The following DHRSX variants were observed in gnomAD, a reference collection of about 807,000 sequenced individuals.
The protein encoded by DHRSX is dehydrogenase/reductase X-linked.
Under a neutral mutation model 34.0 loss-of-function variants are expected in DHRSX, and 31 were observed. The observed-to-expected ratio is 0.91, with a 90% CI of 0.69 to 1.23. The LOEUF is 1.23. Among genes scored for constraint, DHRSX ranks in the 50% most tolerant of loss-of-function variants. The pLI is 0.00. For missense variants in DHRSX, 414 were observed against 428.1 expected (o/e 0.97, Z 0.29); for synonymous variants, 201 against 183.8 (o/e 1.09, Z -0.76).
chrX:2,483,973 C>CATTTTATATTAATTTT, intron 1 of DHRSX, among the ~76,000 whole-genome samples: 1 of 152,154 alleles, frequency 6.6e-6, no homozygotes, highest in South Asian at 2.1e-4. Flanking sequence ...AAATTTAGTG[C>CATTTTATATTAATTTT]CCACGAAGTG....
chrX:2,268,205 C>T (rs2041500866), intron 4 of DHRSX, among the ~76,000 whole-genome samples: 1 of 152,180 alleles, frequency 6.6e-6, no homozygotes, highest in South Asian at 2.1e-4. Flanking sequence ...AGCGCCTGCC[C>T]TGAAGTCCTT....
At chrX:2,495,048 CATTATT>C (rs967530213) in intron 1 of DHRSX, among the ~76,000 whole-genome samples, 1 of 150,400 alleles carries the variant, frequency 6.6e-6, no homozygotes, top group African/African-American at 2.4e-5. Flanking sequence ...ATTCTATTGT[CATTATT>C]ATTATTATTG....
intron 6 of DHRSX, 23 bp downstream of exon 6, chrX:2,243,000 T>A (rs1306412727): frequency 6.2e-7 from 1 of 1,606,902 alleles, no homozygotes; most frequent in Non-Finnish European, 8.5e-7. Context: ...CAGCCGTGAA[T>A]CAGAGAAGCA....
At chrX:2,241,945 A>G (rs143319723) in intron 6 of DHRSX, among the ~76,000 whole-genome samples, 3,331 of 152,076 alleles carry the variant, frequency 0.022, 65 homozygotes, top group African/African-American at 0.047. Context: ...ATAACAAAAA[A>G]CATTATCTGT....
At chrX:2,366,405 A>G (rs1201726362) in intron 3 of DHRSX, among the ~76,000 whole-genome samples, 1 of 151,830 alleles carries the variant, frequency 6.6e-6, no homozygotes, top group Non-Finnish European at 1.5e-5. Flanking sequence ...ACGCCACTGC[A>G]CTCCAGCCTG....
intron 3 of DHRSX, among the ~76,000 whole-genome samples, chrX:2,337,557 CTGAT>C (rs200866934): frequency 0.011 from 1,705 of 152,060 alleles, 32 homozygotes; most frequent in African/African-American, 0.04. Flanking sequence ...GGGAGAAACA[CTGAT>C]TGGAGAAAAT....
chrX:2,285,044 A>C (rs1011219020), intron 4 of DHRSX, among the ~76,000 whole-genome samples: 1 of 152,006 alleles, frequency 6.6e-6, no homozygotes, highest in African/African-American at 2.4e-5. Context: ...GGTTCTGGGG[A>C]AATAGTTTAG....
rs757531269 is a variant in DHRSX, at chrX:2,356,343, C to G, written c.286+52402G>C. Among the ~76,000 whole-genome samples the G allele has an allele frequency of 5.3e-5, 8 of 152,158 alleles. No individual in the cohort carries two copies. The South Asian group carries it at 1.2e-3, about 24-fold the overall frequency. On this transcript the variant is annotated intron_variant, in intron 3 of 6. Transcript: ENST00000334651. Reference sequence around the variant, plus strand: ...TGAGCCGTGATCGTGCCACTGCACTCCAGCCTGGGTGACAAAGCAAGACTC... The same window carrying G: ...TGAGCCGTGATCGTGCCACTGCACTGCAGCCTGGGTGACAAAGCAAGACTC...
intron 5 of DHRSX, among the ~76,000 whole-genome samples, chrX:2,262,891 G>A (rs1300579479): frequency 1.3e-5 from 2 of 152,120 alleles, no homozygotes; most frequent in East Asian, 3.9e-4. Context: ...GATGGGCCAA[G>A]GTATCCTAGG....
intron 3 of DHRSX, among the ~76,000 whole-genome samples, chrX:2,405,919 A>AACG (rs1381422833): frequency 2.5e-5 from 2 of 78,454 alleles, no homozygotes; most frequent in Non-Finnish European, 5.0e-5. Context: ...AAAAAAAAAA[A>AACG]TAAGGTACCA....
chrX:2,426,272 G>A (rs185254110), intron 1 of DHRSX, among the ~76,000 whole-genome samples: 2 of 152,138 alleles, frequency 1.3e-5, no homozygotes, highest in African/African-American at 4.8e-5. Flanking sequence ...TTGAATTTCT[G>A]GTTAAGACGA....
chrX:2,371,794 T>C (rs755806438), intron 3 of DHRSX, among the ~76,000 whole-genome samples: 2 of 151,878 alleles, frequency 1.3e-5, no homozygotes, highest in African/African-American at 4.8e-5. Context: ...AAAGCTCCCA[T>C]CTGTGGGAAT....
chrX:2,248,232 G>A lies in DHRSX; in HGVS notation c.597-5002C>T, dbSNP rs184438710. ...GCAGACCACAAGGTCAGGAGATCGA[G>A]ACTATCTTGGCTAATACGGTGAAAC... On this transcript the variant is annotated intron_variant, in intron 5 of 6. Transcript: ENST00000334651. Among the ~76,000 whole-genome samples, 71 of 152,188 alleles carry A rather than the reference G, an allele frequency of 4.7e-4. 1 individual carries two copies. Among genetic ancestry groups the A allele is most frequent in the African/African-American group, 1.6e-3 (66 of 41,538 alleles).
intron 5 of DHRSX, among the ~76,000 whole-genome samples, chrX:2,265,692 G>A: frequency 6.8e-6 from 1 of 146,692 alleles, no homozygotes; most frequent in East Asian, 2.1e-4. Flanking sequence ...GGCAGACGCA[G>A]GGAGCACTGT....
chrX:2,467,480 A>T (rs957937046), intron 1 of DHRSX, among the ~76,000 whole-genome samples: 9 of 152,158 alleles, frequency 5.9e-5, no homozygotes, highest in South Asian at 2.1e-4. Context: ...ACAGGACTGT[A>T]ACAGGGACAA....
At chrX:2,416,049 A>G (rs2124642749) in intron 2 of DHRSX, among the ~76,000 whole-genome samples, 1 of 152,080 alleles carries the variant, frequency 6.6e-6, no homozygotes, top group African/African-American at 2.4e-5. Flanking sequence ...CCTCATGACC[A>G]ACCCAACCGG....
intron 5 of DHRSX, among the ~76,000 whole-genome samples, chrX:2,261,988 G>C (rs1277860842): frequency 1.3e-5 from 2 of 152,172 alleles, no homozygotes; most frequent in African/African-American, 4.8e-5. Context: ...CGTGTCTGCA[G>C]CAAGTGCTGC....
chrX:2,252,108 G>A (rs2016447728), intron 5 of DHRSX, among the ~76,000 whole-genome samples: 1 of 152,026 alleles, frequency 6.6e-6, no homozygotes, highest in Non-Finnish European at 1.5e-5. Context: ...CGTGGTGGCA[G>A]GTGCCTGTAA....
chrX:2,474,099 A>G (rs1000256923), intron 1 of DHRSX, among the ~76,000 whole-genome samples: 4 of 152,142 alleles, frequency 2.6e-5, no homozygotes, highest in East Asian at 1.9e-4. Flanking sequence ...GAGACACCCA[A>G]TGAAGAAACA....
Sources: gnomAD v4.1 joint callset for allele counts (sites outside exome capture counted in the v4.1 genomes callset) on GRCh38, gnomAD v4.1.1 for gene constraint, MANE v1.5 for transcripts, NCBI Gene and HGNC (gene_info 2026-07-23, HGNC 2026-07-21) for gene names.